The following HNRNPA2B1 variants were observed in gnomAD, a reference collection of about 807,000 sequenced individuals.
The protein encoded by HNRNPA2B1 is heterogeneous nuclear ribonucleoprotein A2/B1, also known as heterogeneous nuclear ribonucleoproteins A2/B1.
Under a neutral mutation model 46.3 loss-of-function variants are expected in HNRNPA2B1, and 3 were observed. The ratio of observed to expected loss-of-function variants is 0.06; its 90% confidence interval spans 0.03 to 0.17. The LOEUF (loss-of-function observed/expected upper bound fraction) is 0.17. Among genes scored for constraint, HNRNPA2B1 ranks in the 10% least tolerant of loss-of-function variants. The pLI, the probability that HNRNPA2B1 is intolerant of heterozygous loss-of-function variation, is 1.00. For synonymous variants in HNRNPA2B1, 225 were observed against 133.8 expected (o/e 1.68, Z -4.70); for missense variants, 221 against 418.9 (o/e 0.53, Z 4.12).
intron 1 of HNRNPA2B1, 99 bp from the exon 2 acceptor site, chr7:26,197,831 CT>C: frequency 3.1e-6 from 5 of 1,605,260 alleles, no homozygotes; most frequent in Non-Finnish European, 3.4e-6. Context: ...GGCAGAGTAC[CT>C]TTTTCCTCTC....
Position 26,200,673 on chromosome 7 carries a change from A to G in HNRNPA2B1, c.-96T>C, listed in dbSNP as rs1584021583. ...CGAACCGGACTCGTCCTGGCGCTGT[A>G]GTGAGAACTGCCGCTGCTCGAGAAA... On this transcript the variant is annotated 5_prime_UTR_variant, in exon 1 of 11. Transcript: ENST00000618183. 6.8e-7 allele frequency: 1 copy of G among 1,477,804 alleles called. No individual in the cohort carries two copies. The highest frequency in any genetic ancestry group is 1.1e-5 in the South Asian group (1 of 88,340). The allele number at this position is 1,477,804 out of a possible 1,614,324, so 91.5% of individuals were successfully genotyped here.
chr7:26,195,711 A>C, intron 7 of HNRNPA2B1, 136 bp downstream of exon 7: 1 of 903,044 alleles, frequency 1.1e-6, no homozygotes. Context: ...CTTAGAAATA[A>C]CTGGACCACT....
At chr7:26,197,922 TAG>T in intron 1 of HNRNPA2B1, 190 bp from the exon 2 acceptor site, 2 of 1,363,478 alleles carry the variant, frequency 1.5e-6, no homozygotes, top group African/African-American at 1.5e-5. Flanking sequence ...AACTGCATAT[TAG>T]TTGTGTTACA....
Position 26,190,254 on chromosome 7 carries a change from AAAC to A in HNRNPA2B1, c.*2103_*2105del, listed in dbSNP as rs779212462. The A allele has an allele frequency of 2.2e-4, 33 of 152,672 alleles. No homozygotes were observed. The highest frequency in any genetic ancestry group is 3.2e-3 in the Middle Eastern group (1 of 316). 9.5% of individuals were successfully genotyped at this position (152,672 alleles called of 1,614,324 possible). ...AGCCAATTTGATGTTACTGTTTTAC[AAAC>A]AACACTCATTTTGTAATTGTTTTAT... On this transcript the variant is annotated 3_prime_UTR_variant, in exon 11 of 11. Coordinates refer to ENST00000618183, the MANE Select transcript of HNRNPA2B1 (RefSeq NM_002137.4).
intron 4 of HNRNPA2B1, 35 bp from the exon 5 acceptor site, chr7:26,196,693 A>C (rs1238034579): frequency 6.3e-7 from 1 of 1,585,008 alleles, no homozygotes; most frequent in Non-Finnish European, 8.7e-7. Context: ...TTTAAATTAA[A>C]TCAACAATAT....
In HNRNPA2B1 at chr7:26,196,035, C is replaced by A. The variant is rs575492899; in HGVS notation, c.659-126G>T. The stretch of plus-strand genomic sequence containing the variant: ...AACCGCAGAAAAGGACACACCAGTG[C>A]TACCAGTTTACCCACAAAACATGAA... On this transcript the variant is annotated intron_variant, in intron 6 of 10. Coordinates refer to ENST00000618183, the MANE Select transcript of HNRNPA2B1 (RefSeq NM_002137.4). 1.5e-3 allele frequency: 1,923 copies of A among 1,297,882 alleles called. 2 individuals carry two copies. Among genetic ancestry groups the A allele is most frequent in the Non-Finnish European group, 1.8e-3 (1,776 of 972,674 alleles). 80.4% of individuals were successfully genotyped at this position (1,297,882 alleles called of 1,614,324 possible).
At position 26,191,823 on chromosome 7, in the gene HNRNPA2B1, A is replaced by G. The variant is rs987879129; in HGVS notation, c.*537T>C. The G allele has an allele frequency of 2.0e-5, 3 of 152,650 alleles. No homozygotes were observed. The highest frequency in any genetic ancestry group is 7.2e-5 in the African/African-American group (3 of 41,466). 9.5% of individuals were successfully genotyped at this position (152,650 alleles called of 1,614,324 possible). A position where few individuals can be genotyped will look rare whatever the true frequency, so the allele number is the denominator to read the frequency against. On this transcript the variant is annotated 3_prime_UTR_variant, in exon 11 of 11. Transcript: ENST00000618183. ...ACCCACTCCTTAACTTATTTAAAAT[A>G]AAAAGTCTATAATTACACAATTTCC...
At chr7:26,200,401 G>C in intron 1 of HNRNPA2B1, 171 bp downstream of exon 1, 1 of 720,070 alleles carries the variant, frequency 1.4e-6, no homozygotes, top group Non-Finnish European at 2.5e-6. Context: ...GAAGCTGTTT[G>C]TACGCTCAGG....
chr7:26,198,823 T>C (rs1783990402), intron 1 of HNRNPA2B1: 1 of 152,244 alleles, frequency 6.6e-6, no homozygotes, highest in Non-Finnish European at 1.5e-5. Context: ...TCAATTATTT[T>C]TTGTTCCTAG....
chr7:26,195,799 G>A (rs777011266), intron 7 of HNRNPA2B1, 48 bp downstream of exon 7: 31 of 1,586,050 alleles, frequency 2.0e-5, no homozygotes, highest in South Asian at 1.8e-4. Context: ...ATACGATATA[G>A]TTAAGTATTA....
In HNRNPA2B1 at chr7:26,191,331, G is replaced by GT. The variant is rs763766330; in HGVS notation, c.*1028dup. 2 of 152,038 alleles carry GT rather than the reference G, an allele frequency of 1.3e-5. No individual in the cohort carries two copies. Among genetic ancestry groups the GT allele is most frequent in the South Asian group, 2.1e-4 (1 of 4,822 alleles). The allele number at this position is 152,038 out of a possible 1,614,324, so 9.4% of individuals were successfully genotyped here. ...TCAATTTATAGCTATGTTAAACTAC[G>GT]TAAGAACCACTATACTGAAAGACCA... On this transcript the variant is annotated 3_prime_UTR_variant, in exon 11 of 11. Transcript: ENST00000618183.
rs201165333 is a variant in HNRNPA2B1 at position 26,200,735 on chromosome 7, G to A, written c.-158C>T. The A allele has an allele frequency of 2.4e-5, 22 of 902,648 alleles. No individual in the cohort carries two copies. The highest frequency in any genetic ancestry group is 3.6e-5 in the Non-Finnish European group (20 of 557,562). 55.9% of individuals were successfully genotyped at this position (902,648 alleles called of 1,614,324 possible). Reference sequence around the variant, plus strand: ...GGAGCACCTCCGCACGGGACCCGGCGCTGCTGCTACTGCCGCTAGAGCCGC... The same window carrying A: ...GGAGCACCTCCGCACGGGACCCGGCACTGCTGCTACTGCCGCTAGAGCCGC... On this transcript the variant is annotated 5_prime_UTR_variant, in exon 1 of 11. Transcript: ENST00000618183.
chr7:26,197,204 C>T, intron 3 of HNRNPA2B1, 111 bp downstream of exon 3: 1 of 1,354,008 alleles, frequency 7.4e-7, no homozygotes, highest in African/African-American at 1.5e-5. Flanking sequence ...CCCAACACAC[C>T]TTTAATAAGA....
At chr7:26,199,972 A>G (rs1307391130) in intron 1 of HNRNPA2B1, 3 of 154,264 alleles carry the variant, frequency 1.9e-5, no homozygotes, top group Non-Finnish European at 4.3e-5. Context: ...AGGACTCTAA[A>G]GATCCAAGCT....
At chr7:26,196,274 A>T in intron 6 of HNRNPA2B1, 127 bp downstream of exon 6, 2 of 743,332 alleles carry the variant, frequency 2.7e-6, no homozygotes, top group South Asian at 3.8e-5. Context: ...GCTTGCCAGG[A>T]TACAATCTAT....
chr7:26,192,613 ACTTT>A (rs770831136), intron 9 of HNRNPA2B1, 36 bp from the exon 10 acceptor site: 1 of 1,562,582 alleles, frequency 6.4e-7, no homozygotes, highest in Non-Finnish European at 8.8e-7. Context: ...AAACAAACTT[ACTTT>A]GATTTCCCAT....
In HNRNPA2B1 at chr7:26,193,567, T is replaced by C. The variant is rs1554331035; in HGVS notation, c.841+8A>G. ...TTCCCACATAAAGGTTGCAGGTGAA[T>C]TTATTACCTCCTCCATAGTTGTCAT... On this transcript the variant is annotated splice_region_variant and intron_variant, in intron 8 of 10. Transcript: ENST00000618183. 1 of 1,577,708 alleles carries C rather than the reference T, an allele frequency of 6.3e-7. No homozygotes were observed. Among genetic ancestry groups the C allele is most frequent in the Non-Finnish European group, 8.6e-7 (1 of 1,169,270 alleles).
chr7:26,194,462 G>T (rs1218428407), intron 7 of HNRNPA2B1, among the ~76,000 whole-genome samples: 2 of 152,084 alleles, frequency 1.3e-5, no homozygotes, highest in Non-Finnish European at 2.9e-5. Context: ...AGTACGGGAA[G>T]TTGAGGCGGG....
chr7:26,190,132 A>G lies in HNRNPA2B1; in HGVS notation c.*2228T>C, dbSNP rs1782724561. On this transcript the variant is annotated 3_prime_UTR_variant, in exon 11 of 11. Transcript: ENST00000618183. ...TAAACATTACACCAAGTATTTGGAT[A>G]CAAAAAGTATTTATTTTATAAACTT... 1 of 152,676 alleles carries G rather than the reference A, an allele frequency of 6.5e-6. No individual in the cohort carries two copies. The highest frequency in any genetic ancestry group is 6.5e-5 in the Admixed American group (1 of 15,286). The allele number at this position is 152,676 out of a possible 1,614,324, so 9.5% of individuals were successfully genotyped here.
Sources: gnomAD v4.1 joint callset for allele counts (sites outside exome capture counted in the v4.1 genomes callset) on GRCh38, gnomAD v4.1.1 for gene constraint, MANE v1.5 for transcripts, NCBI Gene and HGNC (gene_info 2026-07-23, HGNC 2026-07-21) for gene names.